ADAMTSL3: variants seen among roughly 807,000 people sequenced by gnomAD.
ADAMTSL3 encodes ADAMTS-like protein 3.
Under a neutral mutation model 201.7 loss-of-function variants are expected in ADAMTSL3, and 128 were observed. That is an observed-to-expected ratio of 0.63 (90% CI 0.55 to 0.73). The LOEUF (loss-of-function observed/expected upper bound fraction) is 0.73. Ranked by LOEUF, ADAMTSL3 falls within the 30% of genes least tolerant of loss-of-function variation. The probability of loss-of-function intolerance (pLI) is 0.00; values close to 1 mark genes in which losing one functional copy is unlikely to be tolerated. For synonymous variants in ADAMTSL3, 738 were observed against 748.4 expected (o/e 0.99, Z 0.23); for missense variants, 1,990 against 2,119.6 (o/e 0.94, Z 1.20).
At chr15:84,011,015 G>A (rs938688120) in intron 23 of ADAMTSL3, among the ~76,000 whole-genome samples, 1 of 152,124 alleles carries the variant, frequency 6.6e-6, no homozygotes, top group Non-Finnish European at 1.5e-5. Context: ...TTTGATGCAT[G>A]GGCCCACTCT....
chr15:83,997,312 G>A (rs1007611343), intron 23 of ADAMTSL3, among the ~76,000 whole-genome samples: 1 of 152,190 alleles, frequency 6.6e-6, no homozygotes, highest in African/African-American at 2.4e-5. Flanking sequence ...AAGCGGCTGG[G>A]CACAGTGGCT....
At chr15:84,025,047 C>T (rs374954929) in intron 26 of ADAMTSL3, among the ~76,000 whole-genome samples, 191 bp from the exon 27 acceptor site, 9 of 152,162 alleles carry the variant, frequency 5.9e-5, no homozygotes, top group African/African-American at 1.9e-4. Context: ...CATGATGACA[C>T]TGTTTCTCCC....
intron 9 of ADAMTSL3, among the ~76,000 whole-genome samples, chr15:83,876,480 G>T (rs1385518536): frequency 6.6e-6 from 1 of 151,770 alleles, no homozygotes; most frequent in Non-Finnish European, 1.5e-5. Context: ...CTATCAGTTT[G>T]CCTATACAGA....
At chr15:83,699,240 T>G (rs1438784079) in intron 2 of ADAMTSL3, among the ~76,000 whole-genome samples, 2 of 152,164 alleles carry the variant, frequency 1.3e-5, no homozygotes, top group African/African-American at 4.8e-5. Context: ...CACATGGATG[T>G]TTTATGGACA....
intron 6 of ADAMTSL3, among the ~76,000 whole-genome samples, chr15:83,820,925 T>A (rs1457760016): frequency 6.6e-6 from 1 of 151,934 alleles, no homozygotes; most frequent in Non-Finnish European, 1.5e-5. Context: ...AATACAAAAA[T>A]TAACTGGGTG....
At chr15:83,666,250 A>G (rs373442947) in intron 2 of ADAMTSL3, among the ~76,000 whole-genome samples, 51 of 152,192 alleles carry the variant, frequency 3.4e-4, no homozygotes, top group African/African-American at 1.1e-3. Flanking sequence ...CTGCTGTTAC[A>G]TCATTTGGAT....
At chr15:83,818,935 AAG>A (rs2063811061) in intron 5 of ADAMTSL3, among the ~76,000 whole-genome samples, 1 of 152,100 alleles carries the variant, frequency 6.6e-6, no homozygotes, top group Admixed American at 6.6e-5. Context: ...GGTACCAGTG[AAG>A]AGATGGGAGG....
intron 16 of ADAMTSL3, among the ~76,000 whole-genome samples, chr15:83,917,587 A>G (rs912886399): frequency 2.0e-5 from 3 of 152,158 alleles, no homozygotes; most frequent in Non-Finnish European, 4.4e-5. Flanking sequence ...AAGGTTTTAT[A>G]ATTTATTACA....
At chr15:83,906,725 T>A (rs1048508260) in intron 15 of ADAMTSL3, among the ~76,000 whole-genome samples, 1 of 151,944 alleles carries the variant, frequency 6.6e-6, no homozygotes, top group African/African-American at 2.4e-5. Flanking sequence ...TTCCAAAATT[T>A]TTCAGTTAAT....
chr15:83,901,061 G>A (rs1350063174), intron 15 of ADAMTSL3, among the ~76,000 whole-genome samples: 2 of 152,170 alleles, frequency 1.3e-5, no homozygotes, highest in Non-Finnish European at 2.9e-5. Context: ...AGGCACATGT[G>A]GCAAAGTGAT....
intron 19 of ADAMTSL3, among the ~76,000 whole-genome samples, chr15:83,951,790 T>G (rs575546375): frequency 6.6e-6 from 1 of 152,312 alleles, no homozygotes; most frequent in East Asian, 1.9e-4. Context: ...TTTTCTAATT[T>G]ATTGATATGT....
In ADAMTSL3 at chr15:83,988,814, T is replaced by A. The variant is rs150776556; in HGVS notation, c.3840T>A (p.Tyr1280Ter). The change falls in exon 22 of 30, where the codon TAT becomes TAA. Residue 1280 changes from tyrosine (Y) to a stop codon, truncating the protein, a stop_gained. Coordinates refer to ENST00000286744, the MANE Select transcript of ADAMTSL3 (RefSeq NM_207517.3). LOFTEE classifies it high-confidence loss of function. ...GSDVESSSVL[Y>*]AEAPVILSVE... ...ATGTGGAAAGTTCTTCTGTGCTGTATGCAGGTAATGCCCACTGTTGAAATC... is the reference window on the plus strand; with the variant it reads ...ATGTGGAAAGTTCTTCTGTGCTGTAAGCAGGTAATGCCCACTGTTGAAATC... 6.5e-7 allele frequency: 1 copy of A among 1,528,774 alleles called. No homozygotes were observed. The highest frequency in any genetic ancestry group is 8.8e-7 in the Non-Finnish European group (1 of 1,131,744). 94.7% of individuals were successfully genotyped at this position (1,528,774 alleles called of 1,614,324 possible). A position where few individuals can be genotyped will look rare whatever the true frequency, so the allele number is the denominator to read the frequency against.
At chr15:83,725,544 A>T (rs1386447389) in intron 3 of ADAMTSL3, among the ~76,000 whole-genome samples, 1 of 152,098 alleles carries the variant, frequency 6.6e-6, no homozygotes, top group Admixed American at 6.6e-5. Context: ...TAGACTTAAG[A>T]ATTTAATCCA....
intron 2 of ADAMTSL3, among the ~76,000 whole-genome samples, chr15:83,657,742 G>A (rs1223348348): frequency 2.0e-5 from 3 of 152,194 alleles, no homozygotes; most frequent in Admixed American, 1.3e-4. Flanking sequence ...CCTGTAGGGG[G>A]CACTCAAGAG....
intron 3 of ADAMTSL3, among the ~76,000 whole-genome samples, chr15:83,735,853 C>A (rs911704576): frequency 6.6e-6 from 1 of 152,120 alleles, no homozygotes; most frequent in African/African-American, 2.4e-5. Flanking sequence ...TAGAAAGAGG[C>A]TACCAATAAA....
chr15:83,873,092 G>A (rs1179406529), intron 9 of ADAMTSL3, among the ~76,000 whole-genome samples: 1 of 144,800 alleles, frequency 6.9e-6, no homozygotes, highest in East Asian at 2.3e-4. Flanking sequence ...ATCACCTGAG[G>A]TCAGGAGTTC....
At chr15:84,015,842 C>T (rs772532376) in intron 24 of ADAMTSL3, among the ~76,000 whole-genome samples, 1 of 152,230 alleles carries the variant, frequency 6.6e-6, no homozygotes, top group Non-Finnish European at 1.5e-5. Context: ...TTGTCTCACT[C>T]CTACCTGGCA....
rs562855781 is a variant in ADAMTSL3, at chr15:83,788,891, C to T, written c.317+15241C>T. ...GTGGCTTGATCTTGGCTCACTGCAG[C>T]CTCCGCCTCCTGGGTTGAAGCAACT... On this transcript the variant is annotated intron_variant, in intron 4 of 29. Transcript: ENST00000286744. Among the ~76,000 whole-genome samples the T allele has an allele frequency of 1.4e-4, 22 of 152,220 alleles. 1 individual carries two copies. In the South Asian group the frequency reaches 4.1e-3, roughly 29 times the overall value.
At chr15:83,904,721 G>A (rs913206945) in intron 15 of ADAMTSL3, among the ~76,000 whole-genome samples, 2 of 152,190 alleles carry the variant, frequency 1.3e-5, no homozygotes. Context: ...CCTCCCTGGA[G>A]CCTCTTCGTT....
Sources: allele counts gnomAD v4.1 joint callset (sites outside exome capture counted in the v4.1 genomes callset), GRCh38; gene constraint gnomAD v4.1.1; transcripts MANE v1.5; gene names NCBI Gene and HGNC (gene_info 2026-07-23, HGNC 2026-07-21).